SERGEF: variants seen among roughly 807,000 people sequenced by gnomAD.
SERGEF encodes secretion-regulating guanine nucleotide exchange factor.
SERGEF carries 51 observed loss-of-function variants against 50.0 expected under a neutral mutation model. That is an observed-to-expected ratio of 1.02 (90% confidence interval 0.81 to 1.29). SERGEF has a LOEUF of 1.29. Ranked by LOEUF, SERGEF falls within the 50% of genes most tolerant of loss-of-function variation. SERGEF has a pLI of 0.00. For synonymous variants in SERGEF, 205 were observed against 212.4 expected (o/e 0.97, Z 0.30); for missense variants, 521 against 557.0 (o/e 0.94, Z 0.65).
chr11:17,878,061 G>A, intron 10 of SERGEF, 147 bp downstream of exon 10: 1 of 634,016 alleles, frequency 1.6e-6, no homozygotes, highest in Non-Finnish European at 2.8e-6. Context: ...GTAAACCCTT[G>A]GTCAACCAAA....
intron 10 of SERGEF, among the ~76,000 whole-genome samples, chr11:17,851,039 T>G (rs1850701333): frequency 6.6e-6 from 1 of 152,188 alleles, no homozygotes; most frequent in Admixed American, 6.5e-5. Flanking sequence ...TTACATAAAA[T>G]AGGGATGATA....
At chr11:17,805,806 G>A (rs2133830083) in intron 10 of SERGEF, among the ~76,000 whole-genome samples, 1 of 152,344 alleles carries the variant, frequency 6.6e-6, no homozygotes. Flanking sequence ...GAGACTCAGT[G>A]TCTTTATCCA....
intron 10 of SERGEF, among the ~76,000 whole-genome samples, chr11:17,851,126 A>G (rs1850703442): frequency 6.6e-6 from 1 of 152,200 alleles, no homozygotes; most frequent in South Asian, 2.1e-4. Flanking sequence ...TACTATGTAT[A>G]TATCTGTACC....
At chr11:17,830,936 T>C (rs1370284482) in intron 10 of SERGEF, among the ~76,000 whole-genome samples, 1 of 152,198 alleles carries the variant, frequency 6.6e-6, no homozygotes, top group African/African-American at 2.4e-5. Context: ...CTAAGAAATA[T>C]TTCAAATTTT....
chr11:17,831,860 CTAAT>C (rs1187888844), intron 10 of SERGEF, among the ~76,000 whole-genome samples: 1 of 152,158 alleles, frequency 6.6e-6, no homozygotes, highest in African/African-American at 2.4e-5. Flanking sequence ...TTCCAAAGCC[CTAAT>C]TAAAGACCTT....
In SERGEF at chr11:17,860,929, T is replaced by C. The variant is rs1275610957; in HGVS notation, c.1048+17279A>G. Among the ~76,000 whole-genome samples the C allele has an allele frequency of 3.3e-5, 5 of 152,304 alleles. No homozygotes were observed. The East Asian group carries it at 9.7e-4, about 29-fold the overall frequency. ...TTCCCTGAGGAGCAAGAAGGGATCA[T>C]CATGAGATGGTCAGATCACCTCAGC... is the stretch of plus-strand genomic sequence containing the variant. On this transcript the variant is annotated intron_variant, in intron 10 of 10. Transcript: ENST00000265965.
At chr11:17,999,477 A>G in intron 5 of SERGEF, 1 of 433,102 alleles carries the variant, frequency 2.3e-6, no homozygotes, top group Non-Finnish European at 4.6e-6. Context: ...ACAGTCCTGC[A>G]TTGAGCTCTT....
chr11:18,003,512 C>A (rs192624987), intron 4 of SERGEF, among the ~76,000 whole-genome samples: 1 of 152,166 alleles, frequency 6.6e-6, no homozygotes, highest in Non-Finnish European at 1.5e-5. Flanking sequence ...AGACTTAGTA[C>A]AAAATCAGTA....
intron 9 of SERGEF, among the ~76,000 whole-genome samples, chr11:17,957,538 C>T (rs1852900606): frequency 6.6e-6 from 1 of 152,122 alleles, no homozygotes; most frequent in African/African-American, 2.4e-5. Context: ...AGGCTCTCAG[C>T]ACCTTAACTC....
chr11:17,915,718 C>T (rs1180101004), intron 9 of SERGEF, among the ~76,000 whole-genome samples: 1 of 152,216 alleles, frequency 6.6e-6, no homozygotes, highest in Non-Finnish European at 1.5e-5. Flanking sequence ...CCAACTCCAC[C>T]ACCCACAGCA....
intron 10 of SERGEF, among the ~76,000 whole-genome samples, chr11:17,790,875 G>A (rs745482169): frequency 2.0e-5 from 3 of 152,168 alleles, no homozygotes; most frequent in Non-Finnish European, 2.9e-5. Flanking sequence ...GAGCAGTAGC[G>A]CTTTCTGTTG....
intron 9 of SERGEF, among the ~76,000 whole-genome samples, chr11:17,882,998 A>G (rs1422143252): frequency 1.3e-5 from 2 of 152,190 alleles, no homozygotes; most frequent in Non-Finnish European, 2.9e-5. Context: ...CCCCAAGGGT[A>G]AGGGGTGAGA....
intron 10 of SERGEF, among the ~76,000 whole-genome samples, chr11:17,796,879 T>G (rs1406495454): frequency 6.6e-6 from 1 of 152,102 alleles, no homozygotes; most frequent in African/African-American, 2.4e-5. Context: ...GAAGGCTGTA[T>G]GTGGGAAAAC....
At chr11:17,899,435 T>C (rs1851704146) in intron 9 of SERGEF, among the ~76,000 whole-genome samples, 2 of 152,188 alleles carry the variant, frequency 1.3e-5, no homozygotes, top group Non-Finnish European at 2.9e-5. Context: ...GCAGGTTCCA[T>C]CATTGTTTCT....
intron 8 of SERGEF, among the ~76,000 whole-genome samples, chr11:17,967,624 G>T (rs968716215): frequency 6.6e-6 from 1 of 152,170 alleles, no homozygotes; most frequent in African/African-American, 2.4e-5. Flanking sequence ...ATGTGGTTAG[G>T]GTTTTCCAGA....
At chr11:17,993,058 C>T in intron 6 of SERGEF, 65 bp from the exon 7 acceptor site, 1 of 1,385,956 alleles carries the variant, frequency 7.2e-7, no homozygotes, top group Non-Finnish European at 1.0e-6. Flanking sequence ...AGAGAGGGGG[C>T]ACTCAGCCAG....
intron 8 of SERGEF, among the ~76,000 whole-genome samples, chr11:17,973,480 G>T (rs1425555783): frequency 6.6e-6 from 1 of 152,184 alleles, no homozygotes; most frequent in Non-Finnish European, 1.5e-5. Flanking sequence ...CTCAGATTAA[G>T]ATCTCCAATA....
rs184412431 is a variant in SERGEF at position 17,828,951 on chromosome 11, G to A, written c.1049-40538C>T. On this transcript the variant is annotated intron_variant, in intron 10 of 10. Coordinates refer to ENST00000265965, the MANE Select transcript of SERGEF (RefSeq NM_012139.4). Reference sequence around the variant, plus strand: ...TCCAAGTGTCTGGCATAAAGTCAGGGTTCAGCCTGTGAGCTCCCCGTTAAC... The same window carrying A: ...TCCAAGTGTCTGGCATAAAGTCAGGATTCAGCCTGTGAGCTCCCCGTTAAC... 7.7e-4 allele frequency among the ~76,000 whole-genome samples: 118 copies of A among 152,280 alleles called. 3 individuals are homozygous for A. Among genetic ancestry groups the A allele is most frequent in the Admixed American group, 6.9e-3 (105 of 15,294 alleles).
At position 17,991,442 on chromosome 11, in the gene SERGEF, T is replaced by C. The variant is rs1204202911; in HGVS notation, c.685+1489A>G. Among the ~76,000 whole-genome samples the C allele has an allele frequency of 6.6e-6, 1 of 152,162 alleles. No homozygotes were observed. ...AAAACAGAAACACCTCGTAGTCTAC[T>C]TTTATTCTCAGAAAAGAATGCCTTC... On this transcript the variant is annotated intron_variant, in intron 7 of 10. Transcript: ENST00000265965. This position sits in a 1 kb window ranked among gnomAD's most constrained non-coding sequence, Gnocchi z 4.9.
Sources: allele counts gnomAD v4.1 joint callset (sites outside exome capture counted in the v4.1 genomes callset), GRCh38; gene constraint gnomAD v4.1.1; non-coding constraint Gnocchi (gnomAD v3.1); transcripts MANE v1.5; gene names NCBI Gene and HGNC (gene_info 2026-07-23, HGNC 2026-07-21).